CMSS1: variants seen among roughly 807,000 people sequenced by gnomAD.
CMSS1 encodes the protein cms1 ribosomal small subunit homolog.
In CMSS1, 33 loss-of-function variants were observed where a neutral mutation model predicts 43.5. The observed-to-expected ratio is 0.76, with a 90% confidence interval of 0.57 to 1.01. CMSS1 has a LOEUF of 1.01. Among genes scored for constraint, CMSS1 ranks in the 50% least tolerant of loss-of-function variants. CMSS1 has a pLI of 0.00. For synonymous variants in CMSS1, 115 were observed against 117.2 expected, an observed-to-expected ratio of 0.98 and a Z score of 0.12; for missense variants, 313 against 326.4, an observed-to-expected ratio of 0.96 and a Z score of 0.32.
rs186314213 is a variant in CMSS1 at position 100,086,582 on chromosome 3, C to A, written c.65-60391C>A. Among the ~76,000 whole-genome samples the A allele has an allele frequency of 4.5e-3, 683 of 152,240 alleles. 5 individuals carry two copies. Among genetic ancestry groups the A allele is most frequent in the Non-Finnish European group, 7.8e-3 (531 of 68,024 alleles). On this transcript the variant is annotated intron_variant, in intron 1 of 9. Transcript: ENST00000421999. Reference sequence around the variant, plus strand: ...AGAAAAATTAAACTGGTATTTATTACCCACCAGGCTAACGTCCAAAATATG... The same window carrying A: ...AGAAAAATTAAACTGGTATTTATTAACCACCAGGCTAACGTCCAAAATATG...
intron 1 of CMSS1, chr3:99,874,249 G>T (rs1447425344): frequency 2.0e-5 from 3 of 152,190 alleles, no homozygotes; most frequent in African/African-American, 7.2e-5. Flanking sequence ...TTCAACAGTT[G>T]AGTTGTAGTT....
intron 1 of CMSS1, among the ~76,000 whole-genome samples, chr3:100,058,398 T>A (rs996321700): frequency 1.5e-4 from 23 of 152,208 alleles, no homozygotes; most frequent in African/African-American, 5.5e-4. Context: ...TAAAATGAGA[T>A]CACCTCTGAA....
At chr3:99,876,552 C>G (rs567076309) in intron 1 of CMSS1, among the ~76,000 whole-genome samples, 5 of 152,174 alleles carry the variant, frequency 3.3e-5, no homozygotes, top group Non-Finnish European at 5.9e-5. Context: ...TTTGTAAATT[C>G]ATTATACTTT....
chr3:100,117,233 A>G (rs937719664), intron 1 of CMSS1, among the ~76,000 whole-genome samples: 8 of 152,202 alleles, frequency 5.3e-5, no homozygotes, highest in Non-Finnish European at 1.2e-4. Flanking sequence ...TACATTAAGT[A>G]CATTGAGCAC....
At chr3:100,164,639 G>C (rs917867357) in intron 4 of CMSS1, among the ~76,000 whole-genome samples, 13 of 152,150 alleles carry the variant, frequency 8.5e-5, no homozygotes, top group African/African-American at 3.1e-4. Flanking sequence ...AGGAAGGTTT[G>C]AGAGAACAGG....
At chr3:100,054,485 A>T (rs1332932946) in intron 1 of CMSS1, among the ~76,000 whole-genome samples, 10 of 126,228 alleles carry the variant, frequency 7.9e-5, no homozygotes, top group African/African-American at 1.8e-4. Flanking sequence ...ATATTATGTT[A>T]TGTTTTGTTA....
chr3:99,831,030 G>A (rs1942653524), intron 1 of CMSS1, among the ~76,000 whole-genome samples: 2 of 152,194 alleles, frequency 1.3e-5, no homozygotes, highest in African/African-American at 4.8e-5. Flanking sequence ...CAGTATGAGT[G>A]AGATGGGCAG....
chr3:99,966,829 G>A (rs536268320), intron 1 of CMSS1, among the ~76,000 whole-genome samples: 4 of 152,262 alleles, frequency 2.6e-5, no homozygotes, highest in African/African-American at 7.2e-5. Context: ...AGAGCATGCC[G>A]TACTTGAACG....
At chr3:99,930,056 A>G in intron 1 of CMSS1, 1 of 1,579,516 alleles carries the variant, frequency 6.3e-7, no homozygotes, top group Non-Finnish European at 8.6e-7. Context: ...TATTTCAGAA[A>G]GCCTGCTGTC....
chr3:99,893,921 T>C (rs529670947), intron 1 of CMSS1, among the ~76,000 whole-genome samples: 5 of 152,320 alleles, frequency 3.3e-5, no homozygotes, highest in Non-Finnish European at 7.4e-5. Context: ...TTTCTGTGAG[T>C]TGCTCTACAG....
intron 1 of CMSS1, among the ~76,000 whole-genome samples, chr3:99,950,908 G>A (rs1396238938): frequency 6.6e-6 from 1 of 152,186 alleles, no homozygotes; most frequent in Non-Finnish European, 1.5e-5. Flanking sequence ...GACAGTAGTA[G>A]CTGGAGGGAG....
chr3:99,830,572 G>A (rs767452392), intron 1 of CMSS1: 20 of 456,520 alleles, frequency 4.4e-5, no homozygotes, highest in Non-Finnish European at 8.8e-5. Flanking sequence ...TTAGGGATCC[G>A]TGCTGGGATT....
chr3:99,908,178 C>CTGGT lies in CMSS1; in HGVS notation c.64+90138_64+90139insTTGG, dbSNP rs543206723. Among the ~76,000 whole-genome samples, 24 of 152,310 alleles carry CTGGT rather than the reference C, an allele frequency of 1.6e-4. No homozygotes were observed. The East Asian group carries it at 4.4e-3, about 28-fold the overall frequency. The stretch of plus-strand genomic sequence containing the variant: ...ATCTTCCATAACATAGCCCATGCAG[C>CTGGT]TGGATATGTCAGTACAAATTGCTGA... On this transcript the variant is annotated intron_variant, in intron 1 of 9. Coordinates refer to ENST00000421999, the MANE Select transcript of CMSS1 (RefSeq NM_032359.4).
In CMSS1 at chr3:99,849,217, C is replaced by T. The variant is rs201546638; in HGVS notation, c.64+31174C>T. On this transcript the variant is annotated intron_variant, in intron 1 of 9. Transcript: ENST00000421999. ...ATATAACTGACCATTGATGACTGCACGTTCCAGAGGAATGAGGCTCTTGTA... is the reference window on the plus strand; with the variant it reads ...ATATAACTGACCATTGATGACTGCATGTTCCAGAGGAATGAGGCTCTTGTA... 1.3e-5 allele frequency: 21 copies of T among 1,613,988 alleles called. No homozygotes were observed. The highest frequency in any genetic ancestry group is 5.3e-5 in the African/African-American group (4 of 74,914).
intron 1 of CMSS1, among the ~76,000 whole-genome samples, chr3:99,881,647 C>T (rs183469079): frequency 8.8e-4 from 134 of 152,198 alleles, no homozygotes; most frequent in Non-Finnish European, 1.6e-3. Flanking sequence ...GTTCTCCTGC[C>T]TCAGCCTCCC....
intron 1 of CMSS1, among the ~76,000 whole-genome samples, chr3:100,056,883 A>G (rs955413941): frequency 6.6e-5 from 10 of 152,090 alleles, no homozygotes; most frequent in African/African-American, 2.2e-4. Flanking sequence ...AGGCGCCTGT[A>G]GTCCCAGCTA....
intron 1 of CMSS1, chr3:99,849,648 C>T (rs779373893): frequency 2.5e-6 from 4 of 1,613,232 alleles, no homozygotes; most frequent in African/African-American, 1.3e-5. Flanking sequence ...CATGTTCTAG[C>T]TCTTTAGATA....
intron 1 of CMSS1, chr3:99,898,029 G>T (rs1465176540): frequency 6.6e-6 from 1 of 150,970 alleles, no homozygotes; most frequent in South Asian, 2.1e-4. Flanking sequence ...TCTCACATTG[G>T]TTTTTTTTTC....
At chr3:100,036,191 C>T (rs1190497648) in intron 1 of CMSS1, among the ~76,000 whole-genome samples, 1 of 152,156 alleles carries the variant, frequency 6.6e-6, no homozygotes, top group Non-Finnish European at 1.5e-5. Context: ...CTAAAAAGGT[C>T]TAGAATCAAT....
Sources: gnomAD v4.1 joint callset for allele counts (sites outside exome capture counted in the v4.1 genomes callset) on GRCh38, gnomAD v4.1.1 for gene constraint, MANE v1.5 for transcripts, NCBI Gene and HGNC (gene_info 2026-07-23, HGNC 2026-07-21) for gene names.